SDK1: variants seen among roughly 807,000 people sequenced by gnomAD.
SDK1 encodes protein sidekick-1.
In SDK1, 157 loss-of-function variants were observed where a neutral mutation model predicts 245.5. That is an observed-to-expected ratio of 0.64 (90% CI 0.56 to 0.73). The LOEUF (loss-of-function observed/expected upper bound fraction) is 0.73. Ranked by LOEUF, SDK1 falls within the 30% of genes least tolerant of loss-of-function variation. SDK1 has a pLI of 0.00. For missense variants in SDK1, 3,583 were observed against 3,002.3 expected, an observed-to-expected ratio of 1.19 and a Z score of -4.52; for synonymous variants, 1,647 against 1,278.5, an observed-to-expected ratio of 1.29 and a Z score of -6.15.
chr7:3,395,675 G>T lies in SDK1; in HGVS notation c.298+93791G>T, dbSNP rs531442153. Reference sequence around the variant, plus strand: ...AAAAGCTCATTTAATTTTTGTACTTGCTGTAGATGTATTGAGATTTTCTAT... The same window carrying T: ...AAAAGCTCATTTAATTTTTGTACTTTCTGTAGATGTATTGAGATTTTCTAT... On this transcript the variant is annotated intron_variant, in intron 1 of 44. Coordinates refer to ENST00000404826, the MANE Select transcript of SDK1 (RefSeq NM_152744.4). Among the ~76,000 whole-genome samples, 9 of 151,930 alleles carry T rather than the reference G, an allele frequency of 5.9e-5. No individual in the cohort carries two copies. In the South Asian group the frequency reaches 1.9e-3, roughly 32 times the overall value.
At position 4,031,883 on chromosome 7, in the gene SDK1, C is replaced by T. The variant is rs138255129; in HGVS notation, c.2602+14531C>T. Among the ~76,000 whole-genome samples the T allele has an allele frequency of 4.4e-3, 615 of 140,040 alleles. 9 individuals carry two copies. The South Asian group carries it at 0.052, about 12-fold the overall frequency. 91.9% of individuals were successfully genotyped at this position (140,040 alleles called of 152,430 possible). A position where few individuals can be genotyped will look rare whatever the true frequency, so the allele number is the denominator to read the frequency against. ...CTCTACTGAAAATACAAAAATTAGC[C>T]GGGCATGGTGGTGCACGCCTATAAT... On this transcript the variant is annotated intron_variant, in intron 17 of 44. Transcript: ENST00000404826.
chr7:3,581,727 C>T (rs1373082014), intron 1 of SDK1, among the ~76,000 whole-genome samples: 1 of 152,140 alleles, frequency 6.6e-6, no homozygotes, highest in African/African-American at 2.4e-5. Context: ...TTCACAATAG[C>T]AAAGACATGG....
chr7:3,994,611 C>T (rs1322400626), intron 14 of SDK1, among the ~76,000 whole-genome samples: 2 of 149,022 alleles, frequency 1.3e-5, no homozygotes, highest in Non-Finnish European at 3.0e-5. Context: ...CAAGGCACTC[C>T]AGCCTGGGAG....
intron 1 of SDK1, among the ~76,000 whole-genome samples, chr7:3,308,667 G>A (rs770429995): frequency 7.2e-5 from 11 of 152,010 alleles, no homozygotes; most frequent in Non-Finnish European, 1.6e-4. Context: ...TTTTTTAAAT[G>A]GATAAGGCTA....
chr7:3,384,552 T>A (rs73050570), intron 1 of SDK1, among the ~76,000 whole-genome samples: 11,726 of 152,210 alleles, frequency 0.077, 507 homozygotes, highest in Middle Eastern at 0.17. Context: ...CAAGCTTGTC[T>A]GAAGACAGAC....
intron 25 of SDK1, among the ~76,000 whole-genome samples, chr7:4,118,378 C>T (rs1410894026): frequency 1.3e-5 from 2 of 152,174 alleles, no homozygotes; most frequent in African/African-American, 2.4e-5. Flanking sequence ...CAATGAGATA[C>T]CACTTCACAC....
At chr7:3,394,032 A>G (rs544206475) in intron 1 of SDK1, among the ~76,000 whole-genome samples, 11 of 152,152 alleles carry the variant, frequency 7.2e-5, no homozygotes, top group Non-Finnish European at 1.6e-4. Context: ...CCATATCTGC[A>G]TTAGGGGGCA....
intron 28 of SDK1, among the ~76,000 whole-genome samples, chr7:4,138,970 G>C (rs1779279446): frequency 6.6e-6 from 1 of 152,184 alleles, no homozygotes. Context: ...TAGGTTTTGA[G>C]GACTGGGCCA....
intron 40 of SDK1, among the ~76,000 whole-genome samples, chr7:4,228,667 G>C (rs1785575599): frequency 6.6e-6 from 1 of 152,204 alleles, no homozygotes; most frequent in South Asian, 2.1e-4. Context: ...AGTCTCCTGA[G>C]TAGCTGGGAT....
In SDK1 at chr7:3,733,407, T is replaced by C. The variant is rs182436664; in HGVS notation, c.714-88043T>C. 1.9e-3 allele frequency among the ~76,000 whole-genome samples: 296 copies of C among 152,332 alleles called. 1 individual carries two copies. Among genetic ancestry groups the C allele is most frequent in the African/African-American group, 4.4e-3 (182 of 41,572 alleles). On this transcript the variant is annotated intron_variant, in intron 4 of 44. Transcript: ENST00000404826. ...CTTATGAGTTAGTGTGCATGATTGA[T>C]TTGTAGAAACTACAGATAATAAGAA...
intron 4 of SDK1, among the ~76,000 whole-genome samples, chr7:3,684,081 G>C (rs1262349650): frequency 3.3e-5 from 5 of 152,140 alleles, no homozygotes; most frequent in Non-Finnish European, 7.3e-5. Context: ...GGTGGTGGTG[G>C]CAGGCCTCAG....
intron 5 of SDK1, among the ~76,000 whole-genome samples, chr7:3,927,660 C>A (rs948351826): frequency 3.3e-5 from 5 of 152,264 alleles, no homozygotes; most frequent in Non-Finnish European, 7.3e-5. Flanking sequence ...AAGAGTCCAT[C>A]TGTCTCCTCT....
At chr7:3,840,043 T>G (rs1220495166) in intron 5 of SDK1, among the ~76,000 whole-genome samples, 2 of 152,106 alleles carry the variant, frequency 1.3e-5, no homozygotes, top group Admixed American at 1.3e-4. Flanking sequence ...GGTCTCTGGG[T>G]CCCTCCGTAT....
chr7:3,590,778 C>CTT (rs34165148), intron 1 of SDK1, among the ~76,000 whole-genome samples: 28 of 115,192 alleles, frequency 2.4e-4, no homozygotes, highest in East Asian at 4.9e-4. Flanking sequence ...GAGTATAGCA[C>CTT]TTTTTTTTTT....
At chr7:3,602,660 T>C (rs1781289461) in intron 1 of SDK1, among the ~76,000 whole-genome samples, 1 of 151,950 alleles carries the variant, frequency 6.6e-6, no homozygotes, top group Non-Finnish European at 1.5e-5. Flanking sequence ...TCTTTTGCTG[T>C]GCAGAAGCTC....
intron 4 of SDK1, among the ~76,000 whole-genome samples, chr7:3,809,495 G>A (rs1779332325): frequency 6.6e-6 from 1 of 152,172 alleles, no homozygotes; most frequent in Non-Finnish European, 1.5e-5. Context: ...GCTGGGCACA[G>A]CTTTGTCACT....
chr7:3,394,414 A>G (rs1461373820), intron 1 of SDK1, among the ~76,000 whole-genome samples: 1 of 152,168 alleles, frequency 6.6e-6, no homozygotes, highest in Non-Finnish European at 1.5e-5. Context: ...TATTAGTACT[A>G]TAATGCTTTG....
At position 3,589,856 on chromosome 7, in the gene SDK1, T is replaced by G. The variant is rs1052542285; in HGVS notation, c.299-29224T>G. On this transcript the variant is annotated intron_variant, in intron 1 of 44. Transcript: ENST00000404826. ...GACAAACCATATCAGAAGACAGTTA[T>G]AATATTTGCATAATACCCAGACTGT... Among the ~76,000 whole-genome samples the G allele has an allele frequency of 2.6e-5, 4 of 152,288 alleles. No individual in the cohort carries two copies. The East Asian group carries it at 7.7e-4, about 29-fold the overall frequency.
chr7:3,366,950 C>T (rs997215548), intron 1 of SDK1, among the ~76,000 whole-genome samples: 1 of 151,994 alleles, frequency 6.6e-6, no homozygotes, highest in African/African-American at 2.4e-5. Flanking sequence ...CCATGTTGGC[C>T]AGGATGGTCT....
Sources: gnomAD v4.1 joint callset for allele counts (sites outside exome capture counted in the v4.1 genomes callset) on GRCh38, gnomAD v4.1.1 for gene constraint, MANE v1.5 for transcripts, NCBI Gene and HGNC (gene_info 2026-07-23, HGNC 2026-07-21) for gene names.